Variants in STAP1 observed in about 807,000 individuals in gnomAD.
STAP1 encodes the protein signal transducing adaptor family member 1.
In STAP1, 30 loss-of-function variants were observed where a neutral mutation model predicts 37.8. The ratio of observed to expected loss-of-function variants is 0.79; its 90% CI spans 0.59 to 1.08. The LOEUF (loss-of-function observed/expected upper bound fraction) is 1.08. STAP1 is among the 50% of genes least tolerant of loss of function. STAP1 has a pLI of 0.00. For missense variants in STAP1, 357 were observed against 349.4 expected, an observed-to-expected ratio of 1.02 and a Z score of -0.17; for synonymous variants, 130 against 116.0, an observed-to-expected ratio of 1.12 and a Z score of -0.78.
intron 7 of STAP1, among the ~76,000 whole-genome samples, chr4:67,592,670 T>G (rs769117279): frequency 1.3e-5 from 2 of 152,180 alleles, no homozygotes; most frequent in African/African-American, 4.8e-5. Flanking sequence ...CTAGCTAACT[T>G]GAGTCACATT....
At chr4:67,582,496 C>T (rs1026985487) in intron 5 of STAP1, among the ~76,000 whole-genome samples, 3 of 151,908 alleles carry the variant, frequency 2.0e-5, no homozygotes, top group African/African-American at 7.3e-5. Context: ...TTTGTAGAGA[C>T]AGGGTTTTGC....
At chr4:67,576,032 G>A (rs960089541) in intron 3 of STAP1, among the ~76,000 whole-genome samples, 4 of 152,102 alleles carry the variant, frequency 2.6e-5, no homozygotes, top group African/African-American at 9.7e-5. Context: ...GCACAAGACT[G>A]GTGTCAGATA....
At chr4:67,575,726 C>G (rs1408472063) in intron 3 of STAP1, among the ~76,000 whole-genome samples, 1 of 152,204 alleles carries the variant, frequency 6.6e-6, no homozygotes, top group East Asian at 1.9e-4. Flanking sequence ...TGCCCTCTGA[C>G]AAAGTCAAGG....
chr4:67,578,857 C>G (rs1412561914), intron 4 of STAP1, among the ~76,000 whole-genome samples: 1 of 144,158 alleles, frequency 6.9e-6, no homozygotes, highest in Non-Finnish European at 1.5e-5. Context: ...GAGACAGAGT[C>G]TCACTCTATC....
intron 6 of STAP1, among the ~76,000 whole-genome samples, chr4:67,586,475 C>A (rs933403663): frequency 3.3e-5 from 5 of 151,950 alleles, no homozygotes; most frequent in Non-Finnish European, 5.9e-5. Context: ...AACAAACAAA[C>A]AAAAAAACTG....
At chr4:67,588,644 C>T (rs1239208720) in intron 6 of STAP1, among the ~76,000 whole-genome samples, 6 of 152,044 alleles carry the variant, frequency 3.9e-5, no homozygotes, top group South Asian at 2.1e-4. Flanking sequence ...CTCCTGACCT[C>T]GTGATCTGCC....
At chr4:67,559,731 C>A (rs180818658) in intron 1 of STAP1, among the ~76,000 whole-genome samples, 337 of 151,958 alleles carry the variant, frequency 2.2e-3, no homozygotes, top group African/African-American at 7.9e-3. Context: ...TGTATACTGA[C>A]TAAAACTAGA....
At chr4:67,575,141 T>C (rs1727689824) in intron 2 of STAP1, among the ~76,000 whole-genome samples, 1 of 152,232 alleles carries the variant, frequency 6.6e-6, no homozygotes, top group Non-Finnish European at 1.5e-5. Context: ...ATAATGGCTG[T>C]GTTTAACAAC....
At chr4:67,571,040 G>A in intron 1 of STAP1, 44 bp from the exon 2 acceptor site, 1 of 1,451,208 alleles carries the variant, frequency 6.9e-7, no homozygotes, top group Non-Finnish European at 9.7e-7. Flanking sequence ...AAAAATAGTT[G>A]AATATACACT....
chr4:67,580,590 G>A (rs1308107385), intron 4 of STAP1, among the ~76,000 whole-genome samples: 3 of 152,098 alleles, frequency 2.0e-5, no homozygotes, highest in African/African-American at 7.2e-5. Context: ...ACTTGCTAGG[G>A]TCACGTACAA....
intron 8 of STAP1, among the ~76,000 whole-genome samples, chr4:67,599,442 G>A (rs560279380): frequency 6.6e-6 from 1 of 152,012 alleles, no homozygotes; most frequent in East Asian, 1.9e-4. Context: ...TTGGTAGGTT[G>A]TATGTGTCTA....
chr4:67,582,878 C>T (rs867616662), intron 5 of STAP1, among the ~76,000 whole-genome samples: 1 of 152,092 alleles, frequency 6.6e-6, no homozygotes, highest in African/African-American at 2.4e-5. Context: ...TGATTTTGCT[C>T]ATCAATAGGC....
chr4:67,581,274 C>A, intron 4 of STAP1, 31 bp from the exon 5 acceptor site: 1 of 1,599,142 alleles, frequency 6.3e-7, no homozygotes, highest in South Asian at 1.1e-5. Context: ...AAGCTGTTTT[C>A]TTGCCTGCCT....
intron 7 of STAP1, among the ~76,000 whole-genome samples, chr4:67,591,843 T>C (rs1038781456): frequency 6.6e-6 from 1 of 152,202 alleles, no homozygotes; most frequent in Non-Finnish European, 1.5e-5. Context: ...TCCCAAAGCT[T>C]CTCAGTTATC....
At chr4:67,600,617 A>C (rs1728318320) in intron 8 of STAP1, among the ~76,000 whole-genome samples, 1 of 152,044 alleles carries the variant, frequency 6.6e-6, no homozygotes, top group South Asian at 2.1e-4. Context: ...ACTGGGGTCT[A>C]TCTCTCCCTT....
chr4:67,583,422 G>T, intron 5 of STAP1, 152 bp from the exon 6 acceptor site: 2 of 749,438 alleles, frequency 2.7e-6, no homozygotes, highest in South Asian at 3.9e-5. Flanking sequence ...TAATAATAGA[G>T]CATTGTAATT....
At chr4:67,561,950 T>A (rs1197071911) in intron 1 of STAP1, among the ~76,000 whole-genome samples, 1 of 151,318 alleles carries the variant, frequency 6.6e-6, no homozygotes, top group Non-Finnish European at 1.5e-5. Context: ...CACGCACCTG[T>A]GGTCCCAGCT....
intron 1 of STAP1, among the ~76,000 whole-genome samples, chr4:67,561,952 G>A (rs879378209): frequency 6.6e-6 from 1 of 151,522 alleles, no homozygotes; most frequent in Non-Finnish European, 1.5e-5. Flanking sequence ...CGCACCTGTG[G>A]TCCCAGCTAC....
chr4:67,562,026 C>G (rs1401220364), intron 1 of STAP1, among the ~76,000 whole-genome samples: 1 of 129,644 alleles, frequency 7.7e-6, no homozygotes, highest in African/African-American at 3.0e-5. Context: ...GATCCGAGAT[C>G]GCGCCACTGC....
Sources: allele counts gnomAD v4.1 joint callset (sites outside exome capture counted in the v4.1 genomes callset), GRCh38; gene constraint gnomAD v4.1.1; transcripts MANE v1.5; gene names NCBI Gene and HGNC (gene_info 2026-07-23, HGNC 2026-07-21).